CAAP1: variants seen among roughly 807,000 people sequenced by gnomAD.
The protein encoded by CAAP1 is conserved anti-apoptotic protein.
Under a neutral mutation model 34.0 loss-of-function variants are expected in CAAP1, and 20 were observed. That is an observed-to-expected ratio of 0.59 (90% CI 0.41 to 0.86). The LOEUF is 0.86. CAAP1 is among the 40% of genes least tolerant of loss of function. The pLI is 0.00. For missense variants in CAAP1, 538 were observed against 450.5 expected (o/e 1.19, Z -1.76); for synonymous variants, 213 against 166.7 (o/e 1.28, Z -2.14).
Position 26,887,356 on chromosome 9 carries a change from A to G in CAAP1, c.461T>C (p.Ile154Thr), listed in dbSNP as rs1300929510. 7 of 1,609,406 alleles carry G rather than the reference A, an allele frequency of 4.3e-6. No individual in the cohort carries two copies. The highest frequency in any genetic ancestry group is 5.9e-6 in the Non-Finnish European group (7 of 1,177,532). The change falls in exon 2 of 6, where the codon ATA becomes ACA. Residue 154 changes from isoleucine to threonine, a missense_variant. Physicochemically the swap from Ile to Thr is moderately conservative, Grantham distance 89. Transcript: ENST00000333916. ...KEMLQQCFCI[I>T]GEKKLQKMLP... ...CATCTTCTGTAACTTTTTCTCTCCT[A>G]TAATACAGAAGCACTGCTGAAGCAT...
chr9:26,842,898 A>G (rs1229871244), intron 5 of CAAP1, among the ~76,000 whole-genome samples: 1 of 152,186 alleles, frequency 6.6e-6, no homozygotes, highest in African/African-American at 2.4e-5. Context: ...AATTTCTTCC[A>G]TCATATGCAG....
At chr9:26,884,926 A>G in intron 3 of CAAP1, 41 bp from the exon 4 acceptor site, 8 of 1,375,850 alleles carry the variant, frequency 5.8e-6, no homozygotes, top group Non-Finnish European at 8.2e-6. Flanking sequence ...ACTTATAAAA[A>G]CATTAAAATG....
chr9:26,840,861 T>C lies in CAAP1; in HGVS notation c.*1440A>G, dbSNP rs150185327. 2.0e-5 allele frequency: 3 copies of C among 152,358 alleles called. No individual in the cohort carries two copies. The highest frequency in any genetic ancestry group is 4.4e-5 in the Non-Finnish European group (3 of 68,030). The allele number at this position is 152,358 out of a possible 1,614,324, so 9.4% of individuals were successfully genotyped here. A position where few individuals can be genotyped will look rare whatever the true frequency, so the allele number is the denominator to read the frequency against. Reference sequence around the variant, plus strand: ...TTTAAGTTGAAATAGAAAAATTATATCACTGTCTTTTCATCTTGAAGCAAT... The same window carrying C: ...TTTAAGTTGAAATAGAAAAATTATACCACTGTCTTTTCATCTTGAAGCAAT... On this transcript the variant is annotated 3_prime_UTR_variant, in exon 6 of 6. Transcript: ENST00000333916.
intron 5 of CAAP1, among the ~76,000 whole-genome samples, chr9:26,843,472 ATTTTCTTTT>A (rs1177806549): frequency 6.6e-6 from 1 of 151,246 alleles, no homozygotes; most frequent in African/African-American, 2.4e-5. Flanking sequence ...TTTTTCTTGC[ATTTTCTTTT>A]TTTTCTTTTT....
rs41271167 is a variant in CAAP1, at chr9:26,842,444, C to T, written c.943G>A (p.Glu315Lys). Reference protein sequence around the residue: ...ILGLAESSPNEPKAATLAVPP... With the variant: ...ILGLAESSPNKPKAATLAVPP... ...ACAGCCAGGGTGGCTGCTTTGGGTT[C>T]GTTTGGGCTAGACTCTGCCAGTCCT... The change falls in exon 6 of 6, where the codon GAA (glutamate) becomes AAA (lysine). Residue 315 changes from glutamate (E) to lysine (K), a missense_variant. This residue lies in a region of CAAP1 where 514 missense variants were observed against 408.4 expected (regional missense o/e 1.26). Transcript: ENST00000333916. 6.4e-3 allele frequency: 10,378 copies of T among 1,614,118 alleles called. 61 individuals carry two copies. Among genetic ancestry groups the T allele is most frequent in the Admixed American group, 0.011 (645 of 60,016 alleles).
intron 4 of CAAP1, chr9:26,869,909 G>C: frequency 8.2e-6 from 8 of 978,192 alleles, no homozygotes; most frequent in Non-Finnish European, 9.7e-6. Context: ...AGAAAGAGTA[G>C]AAAAAAGGAA....
intron 4 of CAAP1, among the ~76,000 whole-genome samples, chr9:26,878,777 C>T (rs1324180206): frequency 2.0e-5 from 3 of 151,748 alleles, no homozygotes; most frequent in Admixed American, 1.3e-4. Flanking sequence ...GACTGCACAC[C>T]GTACTCCAGC....
At chr9:26,864,990 G>A (rs1823097957) in intron 4 of CAAP1, among the ~76,000 whole-genome samples, 2 of 152,098 alleles carry the variant, frequency 1.3e-5, no homozygotes, top group African/African-American at 4.8e-5. Flanking sequence ...AACATTAAGT[G>A]GTGTCCAGAT....
At position 26,892,601 on chromosome 9, in the gene CAAP1, T is replaced by G; in HGVS notation, c.115A>C (p.Ser39Arg). 6.2e-7 allele frequency: 1 copy of G among 1,608,436 alleles called. No individual in the cohort carries two copies. Among genetic ancestry groups the G allele is most frequent in the Non-Finnish European group, 8.5e-7 (1 of 1,178,966 alleles). ...VPALASGSSG[S>R]TSGCGSAGGC... Reference sequence around the variant, plus strand: ...CCGGCGCTCCCGCAGCCGCTAGTGCTTCCACTGCTGCCGCTGGCCAACGCG... The same window carrying G: ...CCGGCGCTCCCGCAGCCGCTAGTGCGTCCACTGCTGCCGCTGGCCAACGCG... The change falls in exon 1 of 6, where the codon AGC becomes CGC. Residue 39 changes from serine (S) to arginine (R), a missense_variant. Physicochemically the swap from Ser to Arg is moderately radical, Grantham distance 110 (BLOSUM62 -1). Transcript: ENST00000333916.
At chr9:26,865,412 A>C (rs544679007) in intron 4 of CAAP1, among the ~76,000 whole-genome samples, 1 of 152,006 alleles carries the variant, frequency 6.6e-6, no homozygotes, top group Non-Finnish European at 1.5e-5. Context: ...AATCCCAGCT[A>C]CTCGGGAGAA....
intron 1 of CAAP1, among the ~76,000 whole-genome samples, chr9:26,890,472 A>T (rs1043879124): frequency 6.6e-6 from 1 of 152,072 alleles, no homozygotes; most frequent in Non-Finnish European, 1.5e-5. Flanking sequence ...ATATTAAATA[A>T]TTTTTTTAAA....
At chr9:26,879,776 T>C (rs1234919292) in intron 4 of CAAP1, among the ~76,000 whole-genome samples, 1 of 152,192 alleles carries the variant, frequency 6.6e-6, no homozygotes, top group Non-Finnish European at 1.5e-5. Context: ...TTTTAGACTC[T>C]TGGACTTATG....
chr9:26,862,200 C>A (rs1009342222), intron 4 of CAAP1, among the ~76,000 whole-genome samples: 5 of 152,090 alleles, frequency 3.3e-5, no homozygotes, highest in African/African-American at 1.2e-4. Context: ...AACAATTCTC[C>A]TTGGCAATCC....
chr9:26,850,235 CTT>C (rs1822714496), intron 5 of CAAP1, among the ~76,000 whole-genome samples: 1 of 152,174 alleles, frequency 6.6e-6, no homozygotes, highest in Admixed American at 6.5e-5. Context: ...ACTGACTAGA[CTT>C]TATTTGAAGG....
intron 5 of CAAP1, among the ~76,000 whole-genome samples, chr9:26,851,548 A>C (rs558792410): frequency 2.6e-5 from 4 of 152,322 alleles, no homozygotes; most frequent in Middle Eastern, 3.4e-3. Flanking sequence ...AGATAAGTGG[A>C]TATTTTTGGT....
At chr9:26,879,407 C>T (rs62544410) in intron 4 of CAAP1, among the ~76,000 whole-genome samples, 1 of 152,150 alleles carries the variant, frequency 6.6e-6, no homozygotes, top group Non-Finnish European at 1.5e-5. Context: ...TAAAAATTCA[C>T]ACATGAATAA....
chr9:26,865,062 G>GA (rs1823100645), intron 4 of CAAP1, among the ~76,000 whole-genome samples: 1 of 152,066 alleles, frequency 6.6e-6, no homozygotes, highest in Admixed American at 6.6e-5. Flanking sequence ...GTGTCTAAGA[G>GA]AATTGAATTT....
intron 4 of CAAP1, among the ~76,000 whole-genome samples, chr9:26,872,403 T>A (rs1426172575): frequency 2.0e-5 from 3 of 152,106 alleles, no homozygotes; most frequent in Non-Finnish European, 4.4e-5. Context: ...CAGTAGTAAC[T>A]AATAACTACA....
At position 26,852,386 on chromosome 9, in the gene CAAP1, C is replaced by T. The variant is rs139608667; in HGVS notation, c.739+8680G>A. 8.5e-3 allele frequency among the ~76,000 whole-genome samples: 1,286 copies of T among 151,510 alleles called. 14 individuals carry two copies. Among genetic ancestry groups the T allele is most frequent in the African/African-American group, 0.029 (1,199 of 41,320 alleles). On this transcript the variant is annotated intron_variant, in intron 5 of 5. Coordinates refer to ENST00000333916, the MANE Select transcript of CAAP1 (RefSeq NM_024828.4). Reference sequence around the variant, plus strand: ...AGGAGAATTGCTTGAACCCGGGAGGCGGAGGCTGCAGTGAGCTGAGATCAC... The same window carrying T: ...AGGAGAATTGCTTGAACCCGGGAGGTGGAGGCTGCAGTGAGCTGAGATCAC...
Sources: allele counts gnomAD v4.1 joint callset (sites outside exome capture counted in the v4.1 genomes callset), GRCh38; gene constraint gnomAD v4.1.1; regional missense constraint gnomAD v4.1.1; transcripts MANE v1.5; gene names NCBI Gene and HGNC (gene_info 2026-07-23, HGNC 2026-07-21).